Variants in STT3B observed in about 807,000 individuals in gnomAD.
STT3B encodes STT3 oligosaccharyltransferase complex catalytic subunit B, also known as dolichyl-diphosphooligosaccharide--protein glycosyltransferase subunit STT3B.
STT3B carries 29 observed loss-of-function variants against 96.8 expected under a neutral mutation model. The observed-to-expected ratio is 0.30, with a 90% confidence interval of 0.22 to 0.41. The LOEUF is 0.41. Ranked by LOEUF, STT3B falls within the 10% of genes least tolerant of loss-of-function variation. STT3B has a pLI of 1.00. For synonymous variants in STT3B, 367 were observed against 360.0 expected (o/e 1.02, Z -0.22); for missense variants, 640 against 1,022.3 (o/e 0.63, Z 5.10).
chr3:31,578,042 A>T (rs892934187), intron 2 of STT3B, among the ~76,000 whole-genome samples: 1 of 152,114 alleles, frequency 6.6e-6, no homozygotes, highest in Non-Finnish European at 1.5e-5. Flanking sequence ...AGTTTTACTT[A>T]GTTTGAGGTT....
chr3:31,554,379 A>G (rs927105165), intron 1 of STT3B, among the ~76,000 whole-genome samples: 5 of 152,328 alleles, frequency 3.3e-5, no homozygotes, highest in Non-Finnish European at 5.9e-5. Context: ...AGGTGGTTAC[A>G]TAGCTTTTTG....
intron 1 of STT3B, among the ~76,000 whole-genome samples, chr3:31,567,056 C>T (rs1484430948): frequency 6.6e-6 from 1 of 152,214 alleles, no homozygotes; most frequent in East Asian, 1.9e-4. Context: ...GCTGTGCTGT[C>T]AAACTGTCAT....
chr3:31,536,401 A>C (rs1219704656), intron 1 of STT3B, among the ~76,000 whole-genome samples: 1 of 152,190 alleles, frequency 6.6e-6, no homozygotes, highest in Non-Finnish European at 1.5e-5. Flanking sequence ...TGCATCCACA[A>C]ACCGATTTAT....
At chr3:31,585,005 G>A (rs1470611771) in intron 3 of STT3B, among the ~76,000 whole-genome samples, 1 of 152,060 alleles carries the variant, frequency 6.6e-6, no homozygotes, top group African/African-American at 2.4e-5. Context: ...AACATTTTTT[G>A]TAATCTCTAA....
At chr3:31,554,457 A>G (rs1188752947) in intron 1 of STT3B, among the ~76,000 whole-genome samples, 1 of 152,160 alleles carries the variant, frequency 6.6e-6, no homozygotes, top group Non-Finnish European at 1.5e-5. Context: ...CCCTGATGAA[A>G]ATAATACTAA....
chr3:31,633,964 CTG>C (rs1204165249), intron 15 of STT3B, among the ~76,000 whole-genome samples: 1 of 152,112 alleles, frequency 6.6e-6, no homozygotes, highest in Non-Finnish European at 1.5e-5. Flanking sequence ...ATTGAAACAA[CTG>C]TCTTAACTCT....
intron 3 of STT3B, among the ~76,000 whole-genome samples, chr3:31,584,532 G>T (rs1231035804): frequency 1.3e-5 from 2 of 151,888 alleles, no homozygotes; most frequent in African/African-American, 4.8e-5. Flanking sequence ...AGCAGGTGCT[G>T]TTTTATGTGT....
At chr3:31,570,176 A>G (rs1366981823) in intron 1 of STT3B, among the ~76,000 whole-genome samples, 1 of 152,210 alleles carries the variant, frequency 6.6e-6, no homozygotes, top group Non-Finnish European at 1.5e-5. Flanking sequence ...TTTGAGTTTA[A>G]TGAAGAAGGG....
intron 2 of STT3B, among the ~76,000 whole-genome samples, chr3:31,579,219 A>C (rs1373744237): frequency 6.6e-6 from 1 of 151,982 alleles, no homozygotes; most frequent in Non-Finnish European, 1.5e-5. Flanking sequence ...AGGAGTCCCA[A>C]AACATTATCT....
Position 31,595,019 on chromosome 3 carries a change from T to G in STT3B, c.712-1779T>G, listed in dbSNP as rs148897533. Reference sequence around the variant, plus strand: ...CTGTCCTTGGGCCTTTTATGGAGACTTTATTGGTTGTCCATGATTGAAGCA... The same window carrying G: ...CTGTCCTTGGGCCTTTTATGGAGACGTTATTGGTTGTCCATGATTGAAGCA... On this transcript the variant is annotated intron_variant, in intron 3 of 15. Transcript: ENST00000295770. Among the ~76,000 whole-genome samples the G allele has an allele frequency of 7.0e-3, 1,072 of 152,254 alleles. 11 individuals carry two copies. Among genetic ancestry groups the G allele is most frequent in the African/African-American group, 0.024 (990 of 41,558 alleles).
At chr3:31,612,977 A>G (rs890492845) in intron 5 of STT3B, among the ~76,000 whole-genome samples, 2 of 152,188 alleles carry the variant, frequency 1.3e-5, no homozygotes, top group African/African-American at 2.4e-5. Flanking sequence ...GACAAAAACA[A>G]CATCTATTAC....
At chr3:31,580,213 A>G (rs1264642579) in intron 3 of STT3B, 117 bp downstream of exon 3, 1 of 930,644 alleles carries the variant, frequency 1.1e-6, no homozygotes, top group African/African-American at 1.7e-5. Flanking sequence ...AGAGATCTGT[A>G]TTACTGTTCA....
intron 3 of STT3B, among the ~76,000 whole-genome samples, chr3:31,585,981 T>C (rs968219590): frequency 1.1e-4 from 16 of 152,090 alleles, no homozygotes; most frequent in Non-Finnish European, 2.2e-4. Flanking sequence ...AAGCACAGAT[T>C]GGTGGTTTGT....
At chr3:31,559,164 T>G (rs1169564690) in intron 1 of STT3B, among the ~76,000 whole-genome samples, 2 of 148,326 alleles carry the variant, frequency 1.3e-5, no homozygotes, top group African/African-American at 4.9e-5. Context: ...TGTGTGTGTG[T>G]GTGTGTGTGT....
At chr3:31,551,521 TC>T (rs1697559457) in intron 1 of STT3B, among the ~76,000 whole-genome samples, 1 of 152,310 alleles carries the variant, frequency 6.6e-6, no homozygotes, top group Admixed American at 6.5e-5. Flanking sequence ...CTGGCCTCTT[TC>T]CTGATTCTTT....
chr3:31,548,897 G>T (rs1175887899), intron 1 of STT3B, among the ~76,000 whole-genome samples: 3 of 151,912 alleles, frequency 2.0e-5, no homozygotes, highest in Non-Finnish European at 4.4e-5. Flanking sequence ...TTTGAATTTG[G>T]GAAAAAAACT....
chr3:31,551,757 G>A (rs968561012), intron 1 of STT3B, among the ~76,000 whole-genome samples: 5 of 152,146 alleles, frequency 3.3e-5, no homozygotes, highest in African/African-American at 1.2e-4. Flanking sequence ...CAGAGTCTAG[G>A]GTGATGGGAT....
At chr3:31,546,000 C>T (rs115800524) in intron 1 of STT3B, among the ~76,000 whole-genome samples, 3,757 of 152,164 alleles carry the variant, frequency 0.025, 62 homozygotes, top group Non-Finnish European at 0.037. Context: ...ATTTATCCTC[C>T]TCTTTGACTT....
intron 1 of STT3B, among the ~76,000 whole-genome samples, chr3:31,540,656 AATAG>A (rs1001995455): frequency 1.3e-5 from 2 of 152,138 alleles, no homozygotes; most frequent in African/African-American, 4.8e-5. Flanking sequence ...CCCGCCCCAC[AATAG>A]ATAGATAATG....
Sources: gnomAD v4.1 joint callset for allele counts (sites outside exome capture counted in the v4.1 genomes callset) on GRCh38, gnomAD v4.1.1 for gene constraint, MANE v1.5 for transcripts, NCBI Gene and HGNC (gene_info 2026-07-23, HGNC 2026-07-21) for gene names.